TMC7: variants seen among roughly 807,000 people sequenced by gnomAD.
TMC7 encodes the protein transmembrane channel-like protein 7.
A neutral mutation model predicts 82.9 loss-of-function variants in TMC7; 54 were observed. The ratio of observed to expected loss-of-function variants is 0.65; its 90% confidence interval spans 0.52 to 0.82. The LOEUF is 0.82. Among genes scored for constraint, TMC7 ranks in the 40% least tolerant of loss-of-function variants. The pLI is 0.00. For missense variants in TMC7, 820 were observed against 901.2 expected (o/e 0.91, Z 1.15); for synonymous variants, 350 against 337.9 (o/e 1.04, Z -0.39).
rs144899489 is a variant in TMC7, at chr16:19,045,885, C to T, written c.1553+447C>T. Among the ~76,000 whole-genome samples, 1,188 of 151,978 alleles carry T rather than the reference C, an allele frequency of 7.8e-3. 12 individuals carry two copies. The highest frequency in any genetic ancestry group is 0.027 in the African/African-American group (1,120 of 41,462). ...TGCTGGGATTATAGGCATGAGCCAC[C>T]GCGCCCGGCCAAGTTTTTAATTTTT... On this transcript the variant is annotated intron_variant, in intron 11 of 15. Coordinates refer to ENST00000304381, the MANE Select transcript of TMC7 (RefSeq NM_024847.4).
rs1369680113 is a variant in TMC7 at position 19,009,523 on chromosome 16, TC to T, written c.311+110del. ...AGAGCTCATATAATTAAAATTTTAT[TC>T]CTTAGGGTAAGCTAAGCCTCTTTGA... On this transcript the variant is annotated intron_variant, in intron 2 of 15. Coordinates refer to ENST00000304381, the MANE Select transcript of TMC7 (RefSeq NM_024847.4). The T allele has an allele frequency of 3.6e-6, 5 of 1,399,036 alleles. No homozygotes were observed. In the African/African-American group the frequency reaches 5.7e-5, roughly 16 times the overall value. 86.7% of individuals were successfully genotyped at this position (1,399,036 alleles called of 1,614,324 possible). A position where few individuals can be genotyped will look rare whatever the true frequency, so the allele number is the denominator to read the frequency against.
chr16:19,040,488 A>T, intron 9 of TMC7, 42 bp downstream of exon 9: 1 of 1,568,750 alleles, frequency 6.4e-7, no homozygotes, highest in Non-Finnish European at 8.7e-7. Flanking sequence ...CAAGCCAGTC[A>T]CTACCTGCCC....
At chr16:19,058,127 C>G (rs562179908) in intron 14 of TMC7, among the ~76,000 whole-genome samples, 1 of 152,236 alleles carries the variant, frequency 6.6e-6, no homozygotes, top group South Asian at 2.1e-4. Flanking sequence ...CATAGTGGCT[C>G]ACGCCTGTAA....
intron 3 of TMC7, among the ~76,000 whole-genome samples, chr16:19,021,096 A>G (rs1163736646): frequency 6.6e-6 from 1 of 152,182 alleles, no homozygotes; most frequent in Non-Finnish European, 1.5e-5. Context: ...AGCAGATTGC[A>G]CGTGAAAATT....
chr16:19,035,939 T>C (rs933057242), intron 7 of TMC7, 116 bp downstream of exon 7: 22 of 1,197,364 alleles, frequency 1.8e-5, no homozygotes, highest in Non-Finnish European at 2.4e-5. Flanking sequence ...TCCCTGGTAC[T>C]TAGCAAGTTA....
chr16:19,011,523 A>T (rs1034427024), intron 2 of TMC7, among the ~76,000 whole-genome samples: 4 of 148,578 alleles, frequency 2.7e-5, no homozygotes, highest in African/African-American at 9.9e-5. Flanking sequence ...ATAAATAAAT[A>T]AATAAATAAA....
chr16:19,003,355 G>T (rs1453459832), intron 1 of TMC7, among the ~76,000 whole-genome samples: 1 of 152,100 alleles, frequency 6.6e-6, no homozygotes, highest in Non-Finnish European at 1.5e-5. Context: ...GCCCCTACTG[G>T]GAAGTGAGGA....
chr16:19,016,348 C>T (rs751781648), intron 2 of TMC7, 102 bp from the exon 3 acceptor site: 8 of 1,465,468 alleles, frequency 5.5e-6, no homozygotes, highest in East Asian at 4.7e-5. Flanking sequence ...CCTCGGCCTC[C>T]CAGAGTGCTG....
At chr16:18,999,239 A>G (rs140069693) in intron 1 of TMC7, among the ~76,000 whole-genome samples, 1 of 152,208 alleles carries the variant, frequency 6.6e-6, no homozygotes, top group African/African-American at 2.4e-5. Flanking sequence ...GGTTCAAGCA[A>G]TCCTCCCGCC....
At chr16:19,026,773 G>GT (rs1251945583) in intron 5 of TMC7, among the ~76,000 whole-genome samples, 1 of 151,818 alleles carries the variant, frequency 6.6e-6, no homozygotes, top group Non-Finnish European at 1.5e-5. Flanking sequence ...TTTTTTGTTT[G>GT]TTTTTTGAGA....
intron 14 of TMC7, 65 bp from the exon 15 acceptor site, chr16:19,059,351 G>A: frequency 6.3e-7 from 1 of 1,578,054 alleles, no homozygotes; most frequent in Non-Finnish European, 8.6e-7. Flanking sequence ...AATATGTTGG[G>A]TTATTTTTCT....
At chr16:19,056,330 C>G (rs947304775) in intron 13 of TMC7, among the ~76,000 whole-genome samples, 1 of 152,060 alleles carries the variant, frequency 6.6e-6, no homozygotes, top group Non-Finnish European at 1.5e-5. Context: ...AGGTGATCCA[C>G]CCGCCTCGGC....
At chr16:19,059,573 G>T (rs890243796) in intron 15 of TMC7, 79 bp downstream of exon 15, 8 of 1,613,180 alleles carry the variant, frequency 5.0e-6, no homozygotes, top group Non-Finnish European at 5.9e-6. Flanking sequence ...GTTTTCCTGG[G>T]AGGGAGTGAA....
At chr16:19,011,009 A>C (rs1260316016) in intron 2 of TMC7, among the ~76,000 whole-genome samples, 1 of 152,132 alleles carries the variant, frequency 6.6e-6, no homozygotes, top group Non-Finnish European at 1.5e-5. Context: ...CGGTGGGAAA[A>C]TATTCCTCCC....
intron 13 of TMC7, among the ~76,000 whole-genome samples, chr16:19,054,740 C>CTTTT (rs71143826): frequency 1.6e-4 from 10 of 63,130 alleles, no homozygotes; most frequent in African/African-American, 2.3e-4. Flanking sequence ...ATGGGATTTG[C>CTTTT]TTTTTTTTTT....
intron 12 of TMC7, among the ~76,000 whole-genome samples, 184 bp from the exon 13 acceptor site, chr16:19,051,502 G>A (rs1402874721): frequency 6.6e-6 from 1 of 150,786 alleles, no homozygotes; most frequent in Non-Finnish European, 1.5e-5. Flanking sequence ...AACATGCGGT[G>A]TTTGGTTTTT....
Position 19,056,675 on chromosome 16 carries a change from G to T in TMC7, c.2005G>T (p.Val669Phe), listed in dbSNP as rs1961788364. 1.2e-6 allele frequency: 2 copies of T among 1,614,020 alleles called. No homozygotes were observed. The highest frequency in any genetic ancestry group is 2.2e-5 in the South Asian group (2 of 91,072). ...TGGTGTCACATCCGAAGCCTTTGCA[G>T]TTCCTTTCTTCATGATTATTTGGTG... ...IHGVTSEAFA[V>F]PFFMIICLIM... The change falls in exon 14 of 16, where the codon GTT becomes TTT. Residue 669 changes from valine (V) to phenylalanine (F), a missense_variant. Physicochemically the swap from Val to Phe is conservative, Grantham distance 50 (BLOSUM62 -1). This residue lies in a region of TMC7 where 170 missense variants were observed against 231.3 expected (regional missense o/e 0.74). Transcript: ENST00000304381.
intron 3 of TMC7, among the ~76,000 whole-genome samples, chr16:19,019,617 T>C (rs534311004): frequency 9.9e-5 from 15 of 152,242 alleles, no homozygotes; most frequent in African/African-American, 3.4e-4. Context: ...TCAGACAGGG[T>C]GAGGCAGAAG....
intron 1 of TMC7, among the ~76,000 whole-genome samples, chr16:18,987,830 C>T (rs1166555773): frequency 6.6e-6 from 1 of 152,178 alleles, no homozygotes; most frequent in Non-Finnish European, 1.5e-5. Flanking sequence ...GGCCTCTCCT[C>T]CAGCCTCCTC....
Sources: allele counts gnomAD v4.1 joint callset (sites outside exome capture counted in the v4.1 genomes callset), GRCh38; gene constraint gnomAD v4.1.1; regional missense constraint gnomAD v4.1.1; transcripts MANE v1.5; gene names NCBI Gene and HGNC (gene_info 2026-07-23, HGNC 2026-07-21).